CADPS2: variants seen among roughly 807,000 people sequenced by gnomAD.
The protein encoded by CADPS2 is calcium dependent secretion activator 2, also known as calcium-dependent secretion activator 2.
CADPS2 carries 93 observed loss-of-function variants against 172.5 expected under a neutral mutation model. That is an observed-to-expected ratio of 0.54 (90% CI 0.46 to 0.64). The LOEUF (loss-of-function observed/expected upper bound fraction) is 0.64. CADPS2 is among the 30% of genes least tolerant of loss of function. The pLI, the probability that CADPS2 is intolerant of heterozygous loss-of-function variation, is 0.00. For missense variants in CADPS2, 1,420 were observed against 1,565.9 expected (o/e 0.91, Z 1.57); for synonymous variants, 546 against 555.2 (o/e 0.98, Z 0.23).
chr7:122,620,877 G>A (rs1028612368), intron 5 of CADPS2, among the ~76,000 whole-genome samples: 4 of 151,978 alleles, frequency 2.6e-5, no homozygotes, highest in Non-Finnish European at 4.4e-5. Flanking sequence ...ACCCACGTGC[G>A]TTTTGATGCT....
intron 28 of CADPS2, chr7:122,330,708 T>C (rs1484826308): frequency 6.6e-6 from 1 of 152,168 alleles, no homozygotes; most frequent in African/African-American, 2.4e-5. Flanking sequence ...CCAATCAACA[T>C]TCCCAGCTCA....
At chr7:122,581,381 G>A in intron 6 of CADPS2, 91 bp from the exon 7 acceptor site, 1 of 928,062 alleles carries the variant, frequency 1.1e-6, no homozygotes, top group Non-Finnish European at 1.7e-6. Context: ...ATTAAATACA[G>A]AATCTTCTGT....
intron 1 of CADPS2, among the ~76,000 whole-genome samples, chr7:122,760,280 A>G (rs929754535): frequency 2.0e-5 from 3 of 152,092 alleles, no homozygotes; most frequent in Non-Finnish European, 4.4e-5. Flanking sequence ...GCAATCCCCA[A>G]TTATAAATGT....
chr7:122,551,641 T>C (rs1001217691), intron 8 of CADPS2, among the ~76,000 whole-genome samples: 5 of 152,036 alleles, frequency 3.3e-5, no homozygotes, highest in African/African-American at 9.7e-5. Context: ...AAATCCATTA[T>C]CCTCCAATTT....
intron 2 of CADPS2, among the ~76,000 whole-genome samples, chr7:122,680,517 C>T (rs910595433): frequency 6.6e-6 from 1 of 152,128 alleles, no homozygotes; most frequent in African/African-American, 2.4e-5. Flanking sequence ...AGTTCGAGAC[C>T]AGCCTGGCCA....
intron 16 of CADPS2, 87 bp from the exon 17 acceptor site, chr7:122,438,551 A>C: frequency 7.0e-7 from 1 of 1,434,392 alleles, no homozygotes; most frequent in East Asian, 2.4e-5. Flanking sequence ...TAAAATAAAT[A>C]CTAAAGACAA....
intron 3 of CADPS2, among the ~76,000 whole-genome samples, chr7:122,659,957 CTG>C (rs1470087728): frequency 6.6e-6 from 1 of 152,080 alleles, no homozygotes; most frequent in African/African-American, 2.4e-5. Context: ...CAAACAAAAA[CTG>C]AGAGACTGCA....
At chr7:122,567,606 A>C (rs2066634826) in intron 7 of CADPS2, among the ~76,000 whole-genome samples, 2 of 152,228 alleles carry the variant, frequency 1.3e-5, no homozygotes, top group Non-Finnish European at 2.9e-5. Flanking sequence ...TAACCATTTA[A>C]AGAATGTAAA....
chr7:122,734,380 A>AAG (rs2091968390), intron 2 of CADPS2, among the ~76,000 whole-genome samples: 1 of 91,542 alleles, frequency 1.1e-5, no homozygotes, highest in Admixed American at 1.2e-4. Flanking sequence ...AAAAAAAAAA[A>AAG]AAAAAAGAAA....
chr7:122,527,297 G>A (rs115661950), intron 8 of CADPS2, among the ~76,000 whole-genome samples: 2 of 151,482 alleles, frequency 1.3e-5, no homozygotes, highest in Non-Finnish European at 2.9e-5. Flanking sequence ...TTCAACCACC[G>A]CTGAAAATGG....
chr7:122,414,427 A>AT (rs1436370265), intron 18 of CADPS2, among the ~76,000 whole-genome samples: 1 of 152,170 alleles, frequency 6.6e-6, no homozygotes. Context: ...TTATTAATAG[A>AT]TTTTTTAATT....
chr7:122,557,984 T>C (rs1218579824), intron 7 of CADPS2, among the ~76,000 whole-genome samples: 5 of 151,918 alleles, frequency 3.3e-5, no homozygotes, highest in Non-Finnish European at 4.4e-5. Context: ...AGAACACCAA[T>C]ACCTAGGAAA....
chr7:122,419,596 A>G (rs1342924897), intron 17 of CADPS2, among the ~76,000 whole-genome samples: 1 of 152,140 alleles, frequency 6.6e-6, no homozygotes, highest in Non-Finnish European at 1.5e-5. Context: ...CGTATCTTTC[A>G]TCAGATTCTC....
intron 6 of CADPS2, among the ~76,000 whole-genome samples, chr7:122,611,462 T>C (rs1365992253): frequency 6.6e-6 from 1 of 151,938 alleles, no homozygotes; most frequent in African/African-American, 2.4e-5. Flanking sequence ...AATTGAAAAA[T>C]TAATGGCATT....
intron 14 of CADPS2, among the ~76,000 whole-genome samples, chr7:122,460,493 C>T (rs924205574): frequency 6.6e-6 from 1 of 151,504 alleles, no homozygotes; most frequent in Admixed American, 6.6e-5. Context: ...TAGTGCACTC[C>T]CTAACATCAA....
chr7:122,740,773 A>G (rs2092425122), intron 1 of CADPS2, among the ~76,000 whole-genome samples: 1 of 152,172 alleles, frequency 6.6e-6, no homozygotes, highest in African/African-American at 2.4e-5. Context: ...CATTACCCAA[A>G]GAGTTCATTT....
chr7:122,687,513 C>T (rs1017937145), intron 2 of CADPS2, among the ~76,000 whole-genome samples: 1 of 152,166 alleles, frequency 6.6e-6, no homozygotes, highest in Non-Finnish European at 1.5e-5. Flanking sequence ...TAACTTTGGG[C>T]AAGTTACTCA....
intron 1 of CADPS2, among the ~76,000 whole-genome samples, chr7:122,767,297 T>G (rs2138953476): frequency 6.6e-6 from 1 of 152,288 alleles, no homozygotes; most frequent in South Asian, 2.1e-4. Context: ...GTCGATGTTA[T>G]TATTCCTATA....
In CADPS2 at chr7:122,757,333, G is replaced by A. The variant is rs144661109; in HGVS notation, c.340-20265C>T. ...CCAGCTAATTTTTGTATTTTTTGTA[G>A]AGACGGGGTTTCGCCAAGTTGTCCA... is the stretch of plus-strand genomic sequence containing the variant. On this transcript the variant is annotated intron_variant, in intron 1 of 29. Transcript: ENST00000449022. 2.1e-3 allele frequency among the ~76,000 whole-genome samples: 316 copies of A among 152,096 alleles called. 1 individual carries two copies. Among genetic ancestry groups the A allele is most frequent in the African/African-American group, 7.0e-3 (289 of 41,486 alleles).
Sources: allele counts gnomAD v4.1 joint callset (sites outside exome capture counted in the v4.1 genomes callset), GRCh38; gene constraint gnomAD v4.1.1; transcripts MANE v1.5; gene names NCBI Gene and HGNC (gene_info 2026-07-23, HGNC 2026-07-21).